MDFIC2: variants seen among roughly 807,000 people sequenced by gnomAD.
MDFIC2 encodes myoD family inhibitor domain-containing protein 2.
intron 2 of MDFIC2, among the ~76,000 whole-genome samples, chr3:70,299,317 G>A (rs996929754): frequency 6.9e-6 from 1 of 143,970 alleles, no homozygotes; most frequent in Non-Finnish European, 1.5e-5. Context: ...TTATAAATTT[G>A]TGCGTTATTT....
chr3:70,235,000 A>G (rs1462119630), intron 2 of MDFIC2, among the ~76,000 whole-genome samples: 1 of 152,110 alleles, frequency 6.6e-6, no homozygotes, highest in African/African-American at 2.4e-5. Flanking sequence ...AGATGATTCT[A>G]ATGTGTAGCC....
intron 3 of MDFIC2, among the ~76,000 whole-genome samples, chr3:70,201,911 G>A: frequency 6.6e-6 from 1 of 152,198 alleles, no homozygotes. Flanking sequence ...ATGGGAGGAA[G>A]AGAAAATTCA....
intron 2 of MDFIC2, among the ~76,000 whole-genome samples, chr3:70,214,107 A>G (rs906637563): frequency 6.6e-6 from 1 of 152,138 alleles, no homozygotes; most frequent in African/African-American, 2.4e-5. Flanking sequence ...GAAATAAGTA[A>G]CTATGGAGTA....
At chr3:70,265,167 A>G (rs1701904634) in intron 2 of MDFIC2, among the ~76,000 whole-genome samples, 1 of 152,164 alleles carries the variant, frequency 6.6e-6, no homozygotes. Flanking sequence ...TTGGGTGGGG[A>G]CACAGCCAAA....
chr3:70,232,634 G>A (rs1000024803), intron 2 of MDFIC2, among the ~76,000 whole-genome samples: 8 of 151,946 alleles, frequency 5.3e-5, no homozygotes, highest in Non-Finnish European at 7.4e-5. Flanking sequence ...TCCTGAGCTC[G>A]TGATCCGCCC....
chr3:70,312,596 T>G lies in MDFIC2; in HGVS notation c.-46A>C, dbSNP rs1332574480. 1 of 152,346 alleles carries G rather than the reference T, an allele frequency of 6.6e-6. No homozygotes were observed. The highest frequency in any genetic ancestry group is 6.5e-5 in the Admixed American group (1 of 15,288). 9.4% of individuals were successfully genotyped at this position (152,346 alleles called of 1,614,324 possible). A position where few individuals can be genotyped will look rare whatever the true frequency, so the allele number is the denominator to read the frequency against. ...CCCAAGGTGTGGGACTGGGGAGCAG[T>G]GAGCTGCAGCCTCCCTTGTCTCTGG... On this transcript the variant is annotated 5_prime_UTR_variant, in exon 1 of 4. Coordinates refer to ENST00000567252, the MANE Select transcript of MDFIC2 (RefSeq NM_001364677.1).
chr3:70,224,300 G>A (rs1303362093), intron 2 of MDFIC2, among the ~76,000 whole-genome samples: 1 of 152,154 alleles, frequency 6.6e-6, no homozygotes, highest in Admixed American at 6.6e-5. Context: ...ACACTGCAAT[G>A]GTGGATAAAT....
At chr3:70,301,019 A>G (rs1702343518) in intron 2 of MDFIC2, among the ~76,000 whole-genome samples, 1 of 152,068 alleles carries the variant, frequency 6.6e-6, no homozygotes, top group African/African-American at 2.4e-5. Context: ...CTTATTATCC[A>G]TTAAGTACCT....
At chr3:70,269,752 T>G (rs932721567) in intron 2 of MDFIC2, among the ~76,000 whole-genome samples, 1 of 152,184 alleles carries the variant, frequency 6.6e-6, no homozygotes, top group Non-Finnish European at 1.5e-5. Flanking sequence ...CCTAGTCTAT[T>G]GAATGTTTAA....
chr3:70,271,399 A>ACTGGAAGAG (rs1225372626), intron 2 of MDFIC2, among the ~76,000 whole-genome samples: 1 of 152,166 alleles, frequency 6.6e-6, no homozygotes, highest in Non-Finnish European at 1.5e-5. Context: ...GTTCCAGCTC[A>ACTGGAAGAG]CTGGAACCAT....
chr3:70,235,409 C>T (rs1701597887), intron 2 of MDFIC2, among the ~76,000 whole-genome samples: 3 of 152,188 alleles, frequency 2.0e-5, no homozygotes, highest in East Asian at 1.9e-4. Flanking sequence ...AATTGGCTTC[C>T]GTCTCCTCGC....
At chr3:70,247,990 T>C (rs1437980635) in intron 2 of MDFIC2, among the ~76,000 whole-genome samples, 1 of 152,076 alleles carries the variant, frequency 6.6e-6, no homozygotes, top group Non-Finnish European at 1.5e-5. Flanking sequence ...ATGATCAAAA[T>C]AAAAGTCTAA....
intron 2 of MDFIC2, among the ~76,000 whole-genome samples, chr3:70,241,137 G>A (rs1182801259): frequency 6.6e-6 from 1 of 152,088 alleles, no homozygotes; most frequent in African/African-American, 2.4e-5. Context: ...TGACATACGG[G>A]CTGATAAATT....
In MDFIC2 at chr3:70,284,663, C is replaced by T. The variant is rs892899349; in HGVS notation, c.88+27223G>A. On this transcript the variant is annotated intron_variant, in intron 2 of 3. Transcript: ENST00000567252. ...CACAGGAACAGAAAACTAAACACTG[C>T]ATGTTCTCACTTATAAGTGGGAGCT... Among the ~76,000 whole-genome samples, 8 of 152,270 alleles carry T rather than the reference C, an allele frequency of 5.3e-5. No homozygotes were observed. The South Asian group carries it at 1.7e-3, about 32-fold the overall frequency.
intron 2 of MDFIC2, among the ~76,000 whole-genome samples, chr3:70,229,420 A>T (rs1701538474): frequency 6.6e-6 from 1 of 152,200 alleles, no homozygotes; most frequent in Non-Finnish European, 1.5e-5. Context: ...GCTCATAAAG[A>T]TTTATGTTGG....
chr3:70,290,128 G>T (rs2106691597), intron 2 of MDFIC2, among the ~76,000 whole-genome samples: 1 of 152,340 alleles, frequency 6.6e-6, no homozygotes, highest in Non-Finnish European at 1.5e-5. Context: ...TGTAGGAGGA[G>T]AGGCGCTCTG....
At chr3:70,257,211 G>A (rs1398719044) in intron 2 of MDFIC2, among the ~76,000 whole-genome samples, 2 of 152,156 alleles carry the variant, frequency 1.3e-5, no homozygotes, top group Non-Finnish European at 2.9e-5. Context: ...CTTGGGACAG[G>A]TTTCTTTGGC....
At chr3:70,283,040 G>A (rs755696917) in intron 2 of MDFIC2, among the ~76,000 whole-genome samples, 2 of 152,258 alleles carry the variant, frequency 1.3e-5, no homozygotes, top group Non-Finnish European at 2.9e-5. Context: ...ATCACAAGAC[G>A]TTGAGGCTAG....
chr3:70,252,299 C>T (rs1701776900), intron 2 of MDFIC2, among the ~76,000 whole-genome samples: 1 of 152,050 alleles, frequency 6.6e-6, no homozygotes, highest in Non-Finnish European at 1.5e-5. Flanking sequence ...TGTGATTTTC[C>T]ATTGGTGTAT....
Sources: gnomAD v4.1 joint callset for allele counts (sites outside exome capture counted in the v4.1 genomes callset) on GRCh38, gnomAD v4.1.1 for gene constraint, MANE v1.5 for transcripts, NCBI Gene and HGNC (gene_info 2026-07-23, HGNC 2026-07-21) for gene names.